The following PCNX2 variants were observed in gnomAD, a reference collection of about 807,000 sequenced individuals.
PCNX2 encodes pecanex-like protein 2.
PCNX2 carries 168 observed loss-of-function variants against 223.8 expected under a neutral mutation model. The ratio of observed to expected loss-of-function variants is 0.75; its 90% CI spans 0.66 to 0.85. The LOEUF (loss-of-function observed/expected upper bound fraction) is 0.85. Among genes scored for constraint, PCNX2 ranks in the 40% least tolerant of loss-of-function variants. The pLI is 0.00. For missense variants in PCNX2, 2,507 were observed against 2,675.5 expected (o/e 0.94, Z 1.39); for synonymous variants, 1,006 against 1,052.6 (o/e 0.96, Z 0.86).
intron 19 of PCNX2, among the ~76,000 whole-genome samples, chr1:233,159,056 C>T (rs988409247): frequency 1.3e-5 from 2 of 152,142 alleles, no homozygotes; most frequent in Non-Finnish European, 2.9e-5. Flanking sequence ...TTGTACAGAA[C>T]GTTTAAAACT....
At chr1:233,172,512 T>A in intron 17 of PCNX2, 1 of 985,394 alleles carries the variant, frequency 1.0e-6, no homozygotes. Context: ...GTGGTAGAGC[T>A]GACTTCCTGA....
At chr1:233,272,449 C>A (rs1003472796) in intron 1 of PCNX2, among the ~76,000 whole-genome samples, 2 of 152,082 alleles carry the variant, frequency 1.3e-5, no homozygotes, top group Non-Finnish European at 2.9e-5. Context: ...TGCAATGCCA[C>A]CTTACTCCTG....
chr1:233,175,035 G>A (rs1162926880), intron 17 of PCNX2, among the ~76,000 whole-genome samples: 1 of 152,086 alleles, frequency 6.6e-6, no homozygotes, highest in African/African-American at 2.4e-5. Context: ...ATGGGCAGAG[G>A]GCTAGAAAAC....
At chr1:233,201,018 T>G (rs1288794690) in intron 13 of PCNX2, among the ~76,000 whole-genome samples, 2 of 86,268 alleles carry the variant, frequency 2.3e-5, no homozygotes, top group African/African-American at 4.7e-5. Context: ...AGAGCAAGAC[T>G]CCGTCTCAAA....
chr1:233,071,120 T>C (rs577618575), intron 23 of PCNX2, among the ~76,000 whole-genome samples: 27 of 152,314 alleles, frequency 1.8e-4, no homozygotes, highest in African/African-American at 3.6e-4. Flanking sequence ...CCCCATAAGA[T>C]TGGGAAAGCT....
intron 19 of PCNX2, among the ~76,000 whole-genome samples, chr1:233,148,587 A>T (rs1447782248): frequency 6.6e-6 from 1 of 151,854 alleles, no homozygotes. Context: ...TTTTTAGGAG[A>T]GATGGTGTTT....
At chr1:233,035,762 G>A (rs1351444514) in intron 25 of PCNX2, among the ~76,000 whole-genome samples, 1 of 152,204 alleles carries the variant, frequency 6.6e-6, no homozygotes, top group Non-Finnish European at 1.5e-5. Flanking sequence ...GCTACAAAAA[G>A]GAGACCATCA....
intron 19 of PCNX2, among the ~76,000 whole-genome samples, chr1:233,150,818 C>T (rs186746061): frequency 7.4e-4 from 113 of 152,050 alleles, no homozygotes; most frequent in African/African-American, 2.7e-3. Context: ...GGGAGAAACT[C>T]GGCAGAATCA....
intron 21 of PCNX2, among the ~76,000 whole-genome samples, chr1:233,123,304 G>A (rs1053704058): frequency 5.9e-5 from 9 of 152,028 alleles, no homozygotes; most frequent in East Asian, 1.9e-4. Flanking sequence ...ACATCTGGCC[G>A]GGCGCGGTGG....
At chr1:233,325,536 C>T in the PCNX2 span, among the ~76,000 whole-genome samples, 2 of 150,094 alleles carry the variant, frequency 1.3e-5, no homozygotes, top group African/African-American at 4.9e-5. Flanking sequence ...ATTAGCTGGG[C>T]GTGGTGGTGG....
At position 233,258,989 on chromosome 1, in the gene PCNX2, G is replaced by A. The variant is rs180704199; in HGVS notation, c.873C>T (p.Pro291=). Residue 291 remains proline (P), a synonymous_variant, in exon 5 of 34, where the codon CCC becomes CCT. Transcript: ENST00000258229. The part of the protein sequence containing the change: ...SVLIPEPVSC[P]RGSIRERVQS... ...GTACCCGTTCCCTTATGGAGCCCCG[G>A]GGACAACTGACAGGTTCTGGAATCA... The A allele has an allele frequency of 2.5e-6, 4 of 1,613,866 alleles. No individual in the cohort carries two copies. Among genetic ancestry groups the A allele is most frequent in the East Asian group, 4.5e-5 (2 of 44,852 alleles).
chr1:233,267,218 A>G (rs904271980), intron 1 of PCNX2, among the ~76,000 whole-genome samples: 22 of 152,188 alleles, frequency 1.4e-4, no homozygotes, highest in African/African-American at 4.8e-4. Context: ...TCGGGAGACT[A>G]AGGCAGGAGA....
chr1:233,289,583 C>T (rs186966653), intron 1 of PCNX2: 2 of 600,240 alleles, frequency 3.3e-6, no homozygotes, highest in Admixed American at 3.0e-5. Context: ...AGGCAGGAAG[C>T]CAGACATTCA....
At chr1:233,181,939 A>G (rs1679826316) in intron 15 of PCNX2, among the ~76,000 whole-genome samples, 1 of 152,152 alleles carries the variant, frequency 6.6e-6, no homozygotes, top group African/African-American at 2.4e-5. Flanking sequence ...AGCATACACT[A>G]TCCCTCTTTT....
chr1:233,111,573 T>C (rs573821684), intron 21 of PCNX2, among the ~76,000 whole-genome samples: 12 of 152,106 alleles, frequency 7.9e-5, no homozygotes, highest in Middle Eastern at 3.4e-3. Flanking sequence ...TTAGCTAATG[T>C]TTGAATTTTT....
chr1:233,120,404 CA>C (rs1675713499), intron 21 of PCNX2, among the ~76,000 whole-genome samples: 1 of 152,082 alleles, frequency 6.6e-6, no homozygotes, highest in African/African-American at 2.4e-5. Flanking sequence ...GATATCATTA[CA>C]CATCCACCAG....
intron 21 of PCNX2, among the ~76,000 whole-genome samples, chr1:233,112,046 A>T (rs1675147159): frequency 6.6e-6 from 1 of 152,172 alleles, no homozygotes; most frequent in African/African-American, 2.4e-5. Context: ...GATGTTTCAA[A>T]TTTTATAGTA....
At chr1:233,060,394 A>G (rs1672361740) in intron 23 of PCNX2, among the ~76,000 whole-genome samples, 1 of 152,218 alleles carries the variant, frequency 6.6e-6, no homozygotes, top group Non-Finnish European at 1.5e-5. Flanking sequence ...GAACTAAAAC[A>G]CCTTCTAAAA....
Position 233,054,480 on chromosome 1 carries a change from T to C in PCNX2, c.4139A>G (p.Asn1380Ser). The C allele has an allele frequency of 6.2e-7, 1 of 1,610,472 alleles. No homozygotes were observed. The highest frequency in any genetic ancestry group is 8.5e-7 in the Non-Finnish European group (1 of 1,177,028). Residue 1380 changes from asparagine (N) to serine (S), a missense_variant, in exon 25 of 34, where the codon AAT becomes AGT. Coordinates refer to ENST00000258229, the MANE Select transcript of PCNX2 (RefSeq NM_014801.4). ...LAVQIERDPG[N>S]DDNNLNSIFY... ...AATGGAATTGAGATTGTTGTCATCATTCCCTAAAGGCAGACAAGAAATATG... is the reference window on the plus strand; with the variant it reads ...AATGGAATTGAGATTGTTGTCATCACTCCCTAAAGGCAGACAAGAAATATG...
Sources: allele counts gnomAD v4.1 joint callset (sites outside exome capture counted in the v4.1 genomes callset), GRCh38; gene constraint gnomAD v4.1.1; transcripts MANE v1.5; gene names NCBI Gene and HGNC (gene_info 2026-07-23, HGNC 2026-07-21).